CENPL: variants seen among roughly 807,000 people sequenced by gnomAD.
CENPL encodes the protein interphase centromere complex protein 33.
A neutral mutation model predicts 35.2 loss-of-function variants in CENPL; 20 were observed. The observed-to-expected ratio is 0.57, with a 90% CI of 0.40 to 0.83. The LOEUF is 0.83. CENPL is among the 40% of genes least tolerant of loss of function. The pLI, the probability that CENPL is intolerant of heterozygous loss-of-function variation, is 0.00. For missense variants in CENPL, 363 were observed against 395.8 expected (o/e 0.92, Z 0.70); for synonymous variants, 140 against 140.6 (o/e 1.00, Z 0.03).
At chr1:173,806,495 G>A (rs1351053375) in intron 4 of CENPL, 1 of 443,104 alleles carries the variant, frequency 2.3e-6, no homozygotes, top group Non-Finnish European at 4.5e-6. Context: ...AAGGTGGAAG[G>A]ATCACTTGAG....
At chr1:173,805,415 T>C (rs1650130878) in intron 4 of CENPL, among the ~76,000 whole-genome samples, 1 of 150,134 alleles carries the variant, frequency 6.7e-6, no homozygotes, top group Admixed American at 6.7e-5. Flanking sequence ...CTTGGGGGGC[T>C]GAGGAGGGAG....
chr1:173,821,032 C>T (rs1282903807), intron 2 of CENPL, among the ~76,000 whole-genome samples: 1 of 152,134 alleles, frequency 6.6e-6, no homozygotes, highest in Non-Finnish European at 1.5e-5. Flanking sequence ...CTAAAGCATC[C>T]TAGCTTTAAA....
intron 2 of CENPL, among the ~76,000 whole-genome samples, chr1:173,820,740 G>T (rs558242175): frequency 1.3e-5 from 2 of 152,212 alleles, no homozygotes; most frequent in East Asian, 3.9e-4. Context: ...GCAATGAAAA[G>T]AAACAAATTA....
At chr1:173,807,680 C>T (rs1650361892) in intron 3 of CENPL, among the ~76,000 whole-genome samples, 162 bp from the exon 4 acceptor site, 1 of 152,160 alleles carries the variant, frequency 6.6e-6, no homozygotes, top group African/African-American at 2.4e-5. Flanking sequence ...TTGAACAGAC[C>T]TTTACCTTTG....
intron 2 of CENPL, among the ~76,000 whole-genome samples, chr1:173,820,653 T>C (rs1172652987): frequency 1.3e-5 from 2 of 152,204 alleles, no homozygotes; most frequent in Admixed American, 6.5e-5. Context: ...TTATTCATAA[T>C]AGCCAAAAAT....
At chr1:173,822,347 T>C (rs1329237360) in intron 2 of CENPL, 1 of 152,196 alleles carries the variant, frequency 6.6e-6, no homozygotes, top group Non-Finnish European at 1.5e-5. Flanking sequence ...TTCTCCTCCT[T>C]ACTTTTTATA....
At chr1:173,803,711 G>A (rs1324083660) in intron 4 of CENPL, among the ~76,000 whole-genome samples, 3 of 150,100 alleles carry the variant, frequency 2.0e-5, no homozygotes, top group Non-Finnish European at 4.4e-5. Flanking sequence ...TCACTCTGTC[G>A]CCCAGGCTGG....
At chr1:173,815,785 G>T (rs921644695) in intron 2 of CENPL, among the ~76,000 whole-genome samples, 2 of 152,194 alleles carry the variant, frequency 1.3e-5, no homozygotes, top group Non-Finnish European at 2.9e-5. Flanking sequence ...ACAAGACAGG[G>T]ATGCCCTCTC....
At chr1:173,810,900 G>A (rs1650750601) in intron 3 of CENPL, among the ~76,000 whole-genome samples, 1 of 152,124 alleles carries the variant, frequency 6.6e-6, no homozygotes, top group African/African-American at 2.4e-5. Flanking sequence ...CTAGGTGACA[G>A]AGCAAGACTC....
At chr1:173,819,500 A>G (rs1295535635) in intron 2 of CENPL, among the ~76,000 whole-genome samples, 1 of 151,604 alleles carries the variant, frequency 6.6e-6, no homozygotes, top group African/African-American at 2.4e-5. Flanking sequence ...CTGAGAGGAG[A>G]ATCGCTTGAA....
At chr1:173,800,925 C>G (rs545560075) in intron 5 of CENPL, among the ~76,000 whole-genome samples, 1 of 152,276 alleles carries the variant, frequency 6.6e-6, no homozygotes, top group East Asian at 1.9e-4. Context: ...CTACTGCATT[C>G]CAGCCTGGGT....
chr1:173,819,676 A>C (rs906715117), intron 2 of CENPL, among the ~76,000 whole-genome samples: 5 of 152,038 alleles, frequency 3.3e-5, no homozygotes, highest in Admixed American at 1.3e-4. Flanking sequence ...TTATATTACT[A>C]TATTTACTTA....
chr1:173,805,471 T>C (rs1291097387), intron 4 of CENPL, among the ~76,000 whole-genome samples: 2 of 144,448 alleles, frequency 1.4e-5, no homozygotes, highest in Non-Finnish European at 3.0e-5. Context: ...GCCAAGACAG[T>C]ACCACTGCAC....
At chr1:173,807,580 T>G in intron 3 of CENPL, 62 bp from the exon 4 acceptor site, 1 of 1,331,698 alleles carries the variant, frequency 7.5e-7, no homozygotes, top group Non-Finnish European at 1.0e-6. Context: ...AATTTAATCA[T>G]AGCATTTAAA....
chr1:173,808,700 C>T (rs1047403545), intron 3 of CENPL: 2 of 149,416 alleles, frequency 1.3e-5, no homozygotes, highest in South Asian at 2.1e-4. Flanking sequence ...AAAACAAAAA[C>T]ACTTCATTTA....
rs1009713594 is a variant in CENPL, at chr1:173,803,602, A to C, written c.421-97T>G. On this transcript the variant is annotated intron_variant, in intron 4 of 5. Coordinates refer to ENST00000682279, the MANE Select transcript of CENPL (RefSeq NM_001387287.1). ...AGTTCATTAAAAATAAGACGAGCCA[A>C]TGTAATACTTGCAAAAAAAAACATA... 46 of 1,108,878 alleles carry C rather than the reference A, an allele frequency of 4.1e-5. 1 individual carries two copies. The African/African-American group carries it at 7.0e-4, about 17-fold the overall frequency. The allele number at this position is 1,108,878 out of a possible 1,614,324, so 68.7% of individuals were successfully genotyped here. A position where few individuals can be genotyped will look rare whatever the true frequency, so the allele number is the denominator to read the frequency against.
intron 2 of CENPL, among the ~76,000 whole-genome samples, chr1:173,819,051 G>A (rs1162494465): frequency 6.6e-6 from 1 of 151,604 alleles, no homozygotes; most frequent in African/African-American, 2.4e-5. Context: ...CCTGGGCAAC[G>A]CTGTGAGACT....
chr1:173,824,875 CT>C lies in CENPL; in HGVS notation c.-766del, dbSNP rs1652405156. On this transcript the variant is annotated 5_prime_UTR_variant, in exon 1 of 6. Transcript: ENST00000682279. ...GTGGAAAGAGGAGAAGGGCGTATAC[CT>C]TGTGACCGCCTCTGGTTGTCTTGGG... is the stretch of plus-strand genomic sequence containing the variant. 1 of 344,206 alleles carries C rather than the reference CT, an allele frequency of 2.9e-6. No individual in the cohort carries two copies. Among genetic ancestry groups the C allele is most frequent in the Admixed American group, 3.9e-5 (1 of 25,320 alleles). 21.3% of individuals were successfully genotyped at this position (344,206 alleles called of 1,614,324 possible). A position where few individuals can be genotyped will look rare whatever the true frequency, so the allele number is the denominator to read the frequency against.
intron 4 of CENPL, among the ~76,000 whole-genome samples, chr1:173,804,287 C>A (rs945166490): frequency 6.6e-6 from 1 of 152,212 alleles, no homozygotes; most frequent in African/African-American, 2.4e-5. Flanking sequence ...ATAATCACAT[C>A]TGATCTCTCT....
Sources: allele counts gnomAD v4.1 joint callset (sites outside exome capture counted in the v4.1 genomes callset), GRCh38; gene constraint gnomAD v4.1.1; transcripts MANE v1.5; gene names NCBI Gene and HGNC (gene_info 2026-07-23, HGNC 2026-07-21).